The following IL23R variants were observed in gnomAD, a reference collection of about 807,000 sequenced individuals.
IL23R encodes the protein interleukin 23 receptor.
A neutral mutation model predicts 56.9 loss-of-function variants in IL23R; 34 were observed. The observed-to-expected ratio is 0.60, with a 90% CI of 0.45 to 0.80. The LOEUF (loss-of-function observed/expected upper bound fraction) is 0.80. Ranked by LOEUF, IL23R falls within the 30% of genes least tolerant of loss-of-function variation. The probability of loss-of-function intolerance (pLI) is 0.00; values close to 1 mark genes in which losing one functional copy is unlikely to be tolerated. For missense variants in IL23R, 635 were observed against 730.0 expected (o/e 0.87, Z 1.50); for synonymous variants, 230 against 249.2 (o/e 0.92, Z 0.73).
At position 67,168,124 on chromosome 1, in the gene IL23R, A is replaced by G. The variant is rs746445795; in HGVS notation, c.4A>G (p.Asn2Asp). 6.2e-7 allele frequency: 1 copy of G among 1,607,584 alleles called. No homozygotes were observed. The highest frequency in any genetic ancestry group is 1.3e-5 in the African/African-American group (1 of 74,926). ...CAGTCTTTTCCTGCTTCCAGACATG[A>G]ATCAGGTCACTATTCAATGGGATGC... M[N>D]QVTIQWDAVI... The change falls in exon 2 of 11, where the codon AAT becomes GAT. Residue 2 changes from asparagine (N) to aspartate (D), a missense_variant. Asn to Asp is a conservative substitution (Grantham distance 23). Coordinates refer to ENST00000347310, the MANE Select transcript of IL23R (RefSeq NM_144701.3).
chr1:67,243,299 G>A (rs1223656028), intron 9 of IL23R, among the ~76,000 whole-genome samples: 2 of 139,822 alleles, frequency 1.4e-5, no homozygotes, highest in Non-Finnish European at 3.0e-5. Context: ...GGCTGATTTA[G>A]CATGCGGATT....
chr1:67,231,536 C>G (rs60041079), intron 7 of IL23R, among the ~76,000 whole-genome samples: 31,825 of 151,872 alleles, frequency 0.21, 3,722 homozygotes, highest in Non-Finnish European at 0.27. Flanking sequence ...CCATGGAACT[C>G]CATCTAGTAG....
At chr1:67,206,298 C>A (rs1649051326) in intron 5 of IL23R, among the ~76,000 whole-genome samples, 1 of 152,096 alleles carries the variant, frequency 6.6e-6, no homozygotes, top group African/African-American at 2.4e-5. Flanking sequence ...CAGACATGAG[C>A]CACCATGCCC....
intron 8 of IL23R, among the ~76,000 whole-genome samples, chr1:67,238,169 A>C (rs1425058615): frequency 6.6e-6 from 1 of 151,992 alleles, no homozygotes; most frequent in African/African-American, 2.4e-5. Flanking sequence ...ACAACATGGC[A>C]AAACCCCATT....
upstream of IL23R, among the ~76,000 whole-genome samples, chr1:67,165,389 C>T (rs1302108347): frequency 3.3e-5 from 5 of 152,110 alleles, no homozygotes; most frequent in African/African-American, 1.2e-4. Context: ...TCATGGAAAA[C>T]AGTGTGAAAT....
intron 8 of IL23R, 82 bp downstream of exon 8, chr1:67,236,884 A>G: frequency 2.2e-6 from 2 of 893,460 alleles, no homozygotes; most frequent in Non-Finnish European, 3.8e-6. Flanking sequence ...AAATCACATC[A>G]GGTGTTAAGT....
chr1:67,219,935 G>A (rs1650133458), intron 7 of IL23R, among the ~76,000 whole-genome samples: 1 of 152,098 alleles, frequency 6.6e-6, no homozygotes. Flanking sequence ...AGCCTGGGTG[G>A]TAGAATGCAT....
At chr1:67,193,018 C>T (rs937397961) in intron 4 of IL23R, among the ~76,000 whole-genome samples, 1 of 152,164 alleles carries the variant, frequency 6.6e-6, no homozygotes, top group Non-Finnish European at 1.5e-5. Flanking sequence ...AAACTTTCCC[C>T]TCTTCCAAAA....
At chr1:67,250,536 A>G (rs1212752259) in intron 9 of IL23R, among the ~76,000 whole-genome samples, 4 of 152,230 alleles carry the variant, frequency 2.6e-5, no homozygotes, top group African/African-American at 7.2e-5. Flanking sequence ...ACCTGAAAGC[A>G]TTAGTAAACC....
chr1:67,157,076 A>T (rs1480108846), intron 1 of IL23R, among the ~76,000 whole-genome samples: 2 of 152,116 alleles, frequency 1.3e-5, no homozygotes, highest in African/African-American at 4.8e-5. Flanking sequence ...TGCACTTCCC[A>T]GTTGAAGCGA....
chr1:67,174,370 T>C (rs79076433), intron 3 of IL23R, among the ~76,000 whole-genome samples: 3,200 of 151,466 alleles, frequency 0.021, 100 homozygotes, highest in African/African-American at 0.074. Flanking sequence ...ACATCTAGTA[T>C]TGCCTTGATT....
chr1:67,167,184 C>T (rs1646883252), intron 1 of IL23R, among the ~76,000 whole-genome samples: 1 of 152,122 alleles, frequency 6.6e-6, no homozygotes, highest in Non-Finnish European at 1.5e-5. Flanking sequence ...TTCACTGCAA[C>T]CTTCACCTCC....
chr1:67,233,727 T>C (rs1651263491), intron 7 of IL23R, among the ~76,000 whole-genome samples: 1 of 152,194 alleles, frequency 6.6e-6, no homozygotes, highest in African/African-American at 2.4e-5. Flanking sequence ...ATTTGGATTT[T>C]TTTTAGTATA....
intron 4 of IL23R, among the ~76,000 whole-genome samples, chr1:67,195,530 C>T (rs1214199214): frequency 6.6e-6 from 1 of 152,164 alleles, no homozygotes; most frequent in African/African-American, 2.4e-5. Context: ...AGGGGCAGAG[C>T]TGGGATTTGA....
chr1:67,203,343 C>A (rs1395210668), intron 5 of IL23R, among the ~76,000 whole-genome samples: 1 of 152,146 alleles, frequency 6.6e-6, no homozygotes, highest in East Asian at 1.9e-4. Flanking sequence ...GACATGCTGA[C>A]TTGCTATAGT....
chr1:67,233,959 G>GTGTGTGTGTT, intron 7 of IL23R, among the ~76,000 whole-genome samples: 1 of 151,630 alleles, frequency 6.6e-6, no homozygotes, highest in African/African-American at 2.4e-5. Context: ...GTGTGTGTGT[G>GTGTGTGTGTT]TGTGTGTGTG....
intron 4 of IL23R, among the ~76,000 whole-genome samples, chr1:67,188,534 G>C (rs1298946275): frequency 6.6e-6 from 1 of 152,164 alleles, no homozygotes; most frequent in Non-Finnish European, 1.5e-5. Context: ...TTATAAAAAA[G>C]CAAATTATAG....
chr1:67,220,171 C>T (rs1391880871), intron 7 of IL23R, among the ~76,000 whole-genome samples: 2 of 151,964 alleles, frequency 1.3e-5, no homozygotes, highest in Non-Finnish European at 2.9e-5. Flanking sequence ...GACTTCAAGA[C>T]CTCCTCGGCC....
intron 6 of IL23R, among the ~76,000 whole-genome samples, chr1:67,214,008 CAAG>C (rs1183065930): frequency 6.6e-6 from 1 of 152,088 alleles, no homozygotes; most frequent in Non-Finnish European, 1.5e-5. Flanking sequence ...TCAGAGATAG[CAAG>C]AAGAAAATAA....
Sources: gnomAD v4.1 joint callset for allele counts (sites outside exome capture counted in the v4.1 genomes callset) on GRCh38, gnomAD v4.1.1 for gene constraint, MANE v1.5 for transcripts, NCBI Gene and HGNC (gene_info 2026-07-23, HGNC 2026-07-21) for gene names.